The following GRIA4 variants were observed in gnomAD, a reference collection of about 807,000 sequenced individuals.
GRIA4 encodes the protein glutamate ionotropic receptor AMPA type subunit 4, also known as glutamate receptor 4.
GRIA4 carries 34 observed loss-of-function variants against 104.0 expected under a neutral mutation model. The observed-to-expected ratio is 0.33, with a 90% CI of 0.25 to 0.44. GRIA4 has a LOEUF of 0.44. Among genes scored for constraint, GRIA4 ranks in the 20% least tolerant of loss-of-function variants. The pLI is 1.00. For synonymous variants in GRIA4, 386 were observed against 381.9 expected, an observed-to-expected ratio of 1.01 and a Z score of -0.13; for missense variants, 750 against 1,096.5, an observed-to-expected ratio of 0.68 and a Z score of 4.46.
chr11:105,759,748 C>G (rs541171773), intron 4 of GRIA4, among the ~76,000 whole-genome samples: 1 of 152,292 alleles, frequency 6.6e-6, no homozygotes, highest in East Asian at 1.9e-4. Flanking sequence ...CCATTTGGGT[C>G]TGAGCATAAC....
intron 4 of GRIA4, among the ~76,000 whole-genome samples, chr11:105,821,592 G>C (rs1050492471): frequency 6.6e-6 from 1 of 151,892 alleles, no homozygotes; most frequent in East Asian, 1.9e-4. Flanking sequence ...GATCATGTGA[G>C]AACTCACTTA....
At chr11:105,675,351 T>G (rs1952503470) in intron 3 of GRIA4, among the ~76,000 whole-genome samples, 1 of 151,854 alleles carries the variant, frequency 6.6e-6, no homozygotes, top group African/African-American at 2.4e-5. Context: ...TCATCAAAAT[T>G]TATTTACTGG....
intron 3 of GRIA4, among the ~76,000 whole-genome samples, chr11:105,658,294 T>C (rs1038161513): frequency 2.6e-5 from 4 of 151,842 alleles, no homozygotes; most frequent in South Asian, 4.1e-4. Context: ...AGAATAAAGA[T>C]AAGATGAATT....
chr11:105,868,485 G>T (rs1276549551), intron 5 of GRIA4, among the ~76,000 whole-genome samples: 5 of 152,088 alleles, frequency 3.3e-5, no homozygotes, highest in African/African-American at 1.2e-4. Context: ...TGATGATAGG[G>T]GTTCAAACAA....
At chr11:105,665,262 C>A (rs1439840879) in intron 3 of GRIA4, among the ~76,000 whole-genome samples, 8 of 151,798 alleles carry the variant, frequency 5.3e-5, no homozygotes, top group African/African-American at 1.9e-4. Context: ...GTACTGTGTA[C>A]CAAACATCCT....
In GRIA4 at chr11:105,979,676, A is replaced by G. The variant is rs1859177409; in HGVS notation, c.2646A>G (p.Val882=). Residue 882 remains valine, a synonymous_variant, in exon 17 of 17, where the codon GTA becomes GTG. Transcript: ENST00000282499. ...RVLTPDCPKA[V]HTGTAIRQSS... is the part of the protein sequence containing the mutation. ...TGACGCCTGACTGCCCAAAGGCTGT[A>G]CACACTGGAACTGCAATCAGACAAA... 6.2e-7 allele frequency: 1 copy of G among 1,613,792 alleles called. No individual in the cohort carries two copies. The highest frequency in any genetic ancestry group is 1.3e-5 in the African/African-American group (1 of 74,932).
At chr11:105,817,190 G>A (rs937204968) in intron 4 of GRIA4, among the ~76,000 whole-genome samples, 4 of 151,804 alleles carry the variant, frequency 2.6e-5, no homozygotes, top group East Asian at 3.9e-4. Flanking sequence ...TATCTTGTTA[G>A]TGTGCCATGG....
intron 3 of GRIA4, among the ~76,000 whole-genome samples, chr11:105,626,501 T>C (rs964883774): frequency 6.6e-6 from 1 of 152,178 alleles, no homozygotes; most frequent in East Asian, 1.9e-4. Flanking sequence ...ATCTGGGACA[T>C]TTAAAATTGA....
chr11:105,880,834 A>G (rs1946024716), intron 5 of GRIA4, among the ~76,000 whole-genome samples: 1 of 152,214 alleles, frequency 6.6e-6, no homozygotes, highest in Non-Finnish European at 1.5e-5. Context: ...AATAATACCT[A>G]GAGAGTAAGT....
At chr11:105,954,474 G>A (rs1273171014) in intron 14 of GRIA4, among the ~76,000 whole-genome samples, 6 of 151,992 alleles carry the variant, frequency 3.9e-5, no homozygotes, top group Non-Finnish European at 8.8e-5. Flanking sequence ...TGCAATTTAA[G>A]TTCATCATCA....
At chr11:105,841,953 C>T (rs1222431575) in intron 4 of GRIA4, among the ~76,000 whole-genome samples, 3 of 152,168 alleles carry the variant, frequency 2.0e-5, no homozygotes, top group South Asian at 2.1e-4. Flanking sequence ...TGAGTACCTA[C>T]TATGTACTAA....
At chr11:105,825,575 T>C (rs1304625206) in intron 4 of GRIA4, among the ~76,000 whole-genome samples, 1 of 152,048 alleles carries the variant, frequency 6.6e-6, no homozygotes, top group African/African-American at 2.4e-5. Context: ...GCCTCAGATA[T>C]TCAGTTTCAG....
intron 3 of GRIA4, among the ~76,000 whole-genome samples, chr11:105,731,065 G>T (rs1441542207): frequency 1.3e-5 from 2 of 152,042 alleles, no homozygotes; most frequent in African/African-American, 4.8e-5. Flanking sequence ...CACAGCAAAA[G>T]AAACTATCAT....
intron 3 of GRIA4, among the ~76,000 whole-genome samples, chr11:105,672,207 C>T (rs1404614839): frequency 6.6e-6 from 1 of 152,208 alleles, no homozygotes; most frequent in South Asian, 2.1e-4. Context: ...TTCAGGATTG[C>T]ATTCAATTAA....
At chr11:105,687,102 C>T (rs1385943133) in intron 3 of GRIA4, among the ~76,000 whole-genome samples, 1 of 152,028 alleles carries the variant, frequency 6.6e-6, no homozygotes, top group African/African-American at 2.4e-5. Flanking sequence ...GTTTTTGTAG[C>T]AATTGCTTTT....
At position 105,757,799 on chromosome 11, in the gene GRIA4, C is replaced by T. The variant is rs895689461; in HGVS notation, c.487+4579C>T. 6.3e-4 allele frequency among the ~76,000 whole-genome samples: 96 copies of T among 152,192 alleles called. 2 individuals are homozygous for T. Among genetic ancestry groups the T allele is most frequent in the Admixed American group, 6.3e-3 (96 of 15,278 alleles). On this transcript the variant is annotated intron_variant, in intron 4 of 16. Transcript: ENST00000282499. ...AGATGTTAATGAGACCTCTGGAAGC[C>T]CTGCTCACTGGAAAGGTGATGGTGC... is the stretch of plus-strand genomic sequence containing the variant.
chr11:105,923,708 T>C (rs1429379378), intron 11 of GRIA4, among the ~76,000 whole-genome samples: 1 of 152,194 alleles, frequency 6.6e-6, no homozygotes. Context: ...CTTATGATTA[T>C]AATACCTGAG....
At chr11:105,912,509 A>C (rs1485467366) in intron 10 of GRIA4, 2 of 545,258 alleles carry the variant, frequency 3.7e-6, no homozygotes, top group East Asian at 2.9e-4. Context: ...GACTGAAAAA[A>C]TCCAACTGTT....
intron 3 of GRIA4, among the ~76,000 whole-genome samples, chr11:105,681,943 G>C (rs1952723239): frequency 6.6e-6 from 1 of 152,086 alleles, no homozygotes; most frequent in African/African-American, 2.4e-5. Flanking sequence ...TCAGGAGGCT[G>C]AAGCAGGAGA....
Sources: gnomAD v4.1 joint callset for allele counts (sites outside exome capture counted in the v4.1 genomes callset) on GRCh38, gnomAD v4.1.1 for gene constraint, MANE v1.5 for transcripts, NCBI Gene and HGNC (gene_info 2026-07-23, HGNC 2026-07-21) for gene names.